The following MIER1 variants were observed in gnomAD, a reference collection of about 807,000 sequenced individuals.
The protein encoded by MIER1 is mesoderm induction early response protein 1.
A neutral mutation model predicts 75.7 loss-of-function variants in MIER1; 40 were observed. The observed-to-expected ratio is 0.53, with a 90% confidence interval of 0.41 to 0.69. The LOEUF (loss-of-function observed/expected upper bound fraction) is 0.69, where lower values mean the gene tolerates loss of function less well. MIER1 is among the 30% of genes least tolerant of loss of function. MIER1 has a pLI of 0.00. For missense variants in MIER1, 574 were observed against 680.2 expected (o/e 0.84, Z 1.74); for synonymous variants, 213 against 223.4 (o/e 0.95, Z 0.42).
Position 66,971,669 on chromosome 1 carries a change from G to A in MIER1, c.939G>A (p.Leu313=). The part of the protein sequence containing the change: ...IKDNEQALYE[L]VKCNFDTEEA... ...TATTTTTCTAGGCTTTATATGAATTGGTTAAATGCAATTTTGATACAGAAG... is the reference window on the plus strand; with the variant it reads ...TATTTTTCTAGGCTTTATATGAATTAGTTAAATGCAATTTTGATACAGAAG... The change falls in exon 10 of 14, where the codon TTG becomes TTA. Residue 313 remains leucine, a synonymous_variant. Transcript: ENST00000401041. 2.0e-6 allele frequency: 3 copies of A among 1,490,302 alleles called. No homozygotes were observed. Among genetic ancestry groups the A allele is most frequent in the Non-Finnish European group, 2.8e-6 (3 of 1,076,542 alleles). 92.3% of individuals were successfully genotyped at this position (1,490,302 alleles called of 1,614,324 possible). A position where few individuals can be genotyped will look rare whatever the true frequency, so the allele number is the denominator to read the frequency against.
chr1:66,937,757 A>G (rs933865339), intron 2 of MIER1, among the ~76,000 whole-genome samples: 2 of 152,218 alleles, frequency 1.3e-5, no homozygotes, highest in African/African-American at 4.8e-5. Context: ...AATTAGCTAT[A>G]CAAAGTAATG....
chr1:66,928,803 C>A, intron 2 of MIER1: 1 of 765,032 alleles, frequency 1.3e-6, no homozygotes. Flanking sequence ...AAATACTGTA[C>A]AGTACAGTTA....
chr1:66,941,955 C>G (rs554134798), intron 3 of MIER1, among the ~76,000 whole-genome samples: 3 of 130,178 alleles, frequency 2.3e-5, no homozygotes, highest in African/African-American at 9.2e-5. Context: ...AGCTATAGAG[C>G]GAGACTCCTT....
chr1:66,981,676 G>A (rs1665912838), intron 12 of MIER1, 103 bp from the exon 13 acceptor site: 1 of 834,922 alleles, frequency 1.2e-6, no homozygotes. Context: ...AATGTTAAGT[G>A]AATATTAGGA....
At chr1:66,975,984 T>A (rs943241713) in intron 11 of MIER1, among the ~76,000 whole-genome samples, 2 of 136,650 alleles carry the variant, frequency 1.5e-5, no homozygotes, top group African/African-American at 5.9e-5. Context: ...CTTCCAGGCC[T>A]TTTTTTTGTG....
Position 66,925,023 on chromosome 1 carries a change from A to T in MIER1, c.-6A>T, listed in dbSNP as rs749424771. The stretch of plus-strand genomic sequence containing the variant: ...CCCAGGCTCTGAGTCTCCCGGCTGC[A>T]GGCGGATGGATGGGGCTTCTTCAGG... On this transcript the variant is annotated 5_prime_UTR_variant, in exon 1 of 14. Coordinates refer to ENST00000401041, the MANE Select transcript of MIER1 (RefSeq NM_001077700.3). 2 of 1,546,228 alleles carry T rather than the reference A, an allele frequency of 1.3e-6. No individual in the cohort carries two copies. The highest frequency in any genetic ancestry group is 1.2e-5 in the South Asian group (1 of 84,512).
chr1:66,965,827 G>C (rs1017696313), intron 8 of MIER1, among the ~76,000 whole-genome samples: 2 of 152,012 alleles, frequency 1.3e-5, no homozygotes, highest in Non-Finnish European at 2.9e-5. Context: ...GACCTTCCCA[G>C]CCTCTAGTAG....
At chr1:66,955,432 A>G (rs1423503365) in intron 4 of MIER1, among the ~76,000 whole-genome samples, 2 of 139,270 alleles carry the variant, frequency 1.4e-5, no homozygotes, top group Non-Finnish European at 3.0e-5. Flanking sequence ...TCAGCAGCCC[A>G]TTTTAGTAAG....
chr1:66,983,853 G>A (rs1558126548), intron 13 of MIER1, among the ~76,000 whole-genome samples: 2 of 152,126 alleles, frequency 1.3e-5, no homozygotes, highest in East Asian at 1.9e-4. Flanking sequence ...TCAGCCTTCC[G>A]AGTAGCTGGG....
chr1:66,983,867 C>T (rs1036461922), intron 13 of MIER1, among the ~76,000 whole-genome samples: 8 of 152,046 alleles, frequency 5.3e-5, no homozygotes, highest in African/African-American at 1.9e-4. Flanking sequence ...AGCTGGGAGA[C>T]GGTGCACGCC....
intron 12 of MIER1, among the ~76,000 whole-genome samples, chr1:66,977,855 A>G (rs746488737): frequency 9.9e-5 from 15 of 152,212 alleles, no homozygotes; most frequent in Admixed American, 5.9e-4. Context: ...GACTTTGTCA[A>G]TGTACTCCAG....
intron 8 of MIER1, among the ~76,000 whole-genome samples, chr1:66,969,328 G>C (rs1663084070): frequency 6.6e-6 from 1 of 151,850 alleles, no homozygotes; most frequent in Admixed American, 6.6e-5. Flanking sequence ...GGTGGATCAT[G>C]AGGTCAGGAG....
At chr1:66,950,635 C>T (rs535203639) in intron 4 of MIER1, among the ~76,000 whole-genome samples, 12 of 151,570 alleles carry the variant, frequency 7.9e-5, no homozygotes, top group Non-Finnish European at 1.8e-4. Flanking sequence ...AGATGTGTTC[C>T]ATCCAGAGCT....
chr1:66,945,376 A>C (rs1417566054), intron 3 of MIER1, among the ~76,000 whole-genome samples: 3 of 151,316 alleles, frequency 2.0e-5, no homozygotes, highest in Non-Finnish European at 4.4e-5. Flanking sequence ...TTGGGGAATA[A>C]TGACAAGGAA....
intron 2 of MIER1, among the ~76,000 whole-genome samples, chr1:66,930,767 C>T (rs1421809856): frequency 1.3e-5 from 2 of 152,116 alleles, no homozygotes; most frequent in East Asian, 1.9e-4. Context: ...AGTTTTTTCC[C>T]TTCCTAACCG....
At chr1:66,942,168 G>T (rs1656399465) in intron 3 of MIER1, among the ~76,000 whole-genome samples, 1 of 152,190 alleles carries the variant, frequency 6.6e-6, no homozygotes, top group South Asian at 2.1e-4. Context: ...AGTTATAAAA[G>T]TTAGTAGAGA....
chr1:66,925,330 G>A (rs1056493797), intron 1 of MIER1: 5 of 985,428 alleles, frequency 5.1e-6, no homozygotes, highest in Non-Finnish European at 4.8e-6. Context: ...GCCTCCCAGC[G>A]CCGCCTTTTT....
chr1:66,945,323 C>A (rs948032260), intron 3 of MIER1, among the ~76,000 whole-genome samples: 2 of 127,190 alleles, frequency 1.6e-5, no homozygotes, highest in Non-Finnish European at 1.7e-5. Flanking sequence ...ATATAAAATA[C>A]CTAATATAGG....
intron 12 of MIER1, among the ~76,000 whole-genome samples, chr1:66,978,499 T>C (rs1428559418): frequency 6.6e-6 from 1 of 152,216 alleles, no homozygotes; most frequent in African/African-American, 2.4e-5. Flanking sequence ...AATTGCTTAA[T>C]GTTAAATTTA....
Sources: gnomAD v4.1 joint callset for allele counts (sites outside exome capture counted in the v4.1 genomes callset) on GRCh38, gnomAD v4.1.1 for gene constraint, MANE v1.5 for transcripts, NCBI Gene and HGNC (gene_info 2026-07-23, HGNC 2026-07-21) for gene names.